Variants in PTDSS2 observed in about 807,000 individuals in gnomAD.
PTDSS2 encodes PSS-2.
Under a neutral mutation model 64.7 loss-of-function variants are expected in PTDSS2, and 41 were observed. The ratio of observed to expected loss-of-function variants is 0.63; its 90% CI spans 0.49 to 0.82. PTDSS2 has a LOEUF of 0.82. Ranked by LOEUF, PTDSS2 falls within the 40% of genes least tolerant of loss-of-function variation. The probability of loss-of-function intolerance (pLI) is 0.00; values close to 1 mark genes in which losing one functional copy is unlikely to be tolerated. For missense variants in PTDSS2, 485 were observed against 650.0 expected (o/e 0.75, Z 2.76); for synonymous variants, 297 against 277.8 (o/e 1.07, Z -0.69).
chr11:473,759 C>A, intron 2 of PTDSS2, 136 bp from the exon 3 acceptor site: 1 of 713,396 alleles, frequency 1.4e-6, no homozygotes, highest in Admixed American at 2.1e-5. Flanking sequence ...TCGCCCAGCT[C>A]TGCCCGAGGC....
chr11:462,739 A>G lies in PTDSS2; in HGVS notation c.284+2451A>G, dbSNP rs1590624895. On this transcript the variant is annotated intron_variant, in intron 2 of 11. Coordinates refer to ENST00000308020, the MANE Select transcript of PTDSS2 (RefSeq NM_030783.3). This position sits in a 1 kb window ranked among gnomAD's most constrained non-coding sequence, Gnocchi z 4.5. ...CTACCTGCCCCTACGCAGGGTGTCC[A>G]CACAGAGGGTGTCCGCACACAGGGT... Among the ~76,000 whole-genome samples the G allele has an allele frequency of 6.6e-6, 1 of 152,148 alleles. No individual in the cohort carries two copies.
intron 4 of PTDSS2, among the ~76,000 whole-genome samples, chr11:480,837 C>T (rs1310693985): frequency 1.3e-5 from 2 of 152,170 alleles, no homozygotes; most frequent in African/African-American, 4.8e-5. Flanking sequence ...AAACCCAGCA[C>T]TTTGGGAGGC....
At position 469,929 on chromosome 11, in the gene PTDSS2, A is replaced by G. The variant is rs563392216; in HGVS notation, c.285-3966A>G. Among the ~76,000 whole-genome samples the G allele has an allele frequency of 3.3e-5, 5 of 152,336 alleles. No individual in the cohort carries two copies. In the South Asian group the frequency reaches 1.0e-3, roughly 32 times the overall value. ...GCCTCCCAGTGGCCAAAGAGCAACA[A>G]AATAATAAAGTAGTATTAGAATATA... On this transcript the variant is annotated intron_variant, in intron 2 of 11. Transcript: ENST00000308020.
At position 489,579 on chromosome 11, in the gene PTDSS2, C is replaced by T; in HGVS notation, c.970-9C>T. On this transcript the variant is annotated splice_polypyrimidine_tract_variant and intron_variant, in intron 9 of 11. Transcript: ENST00000308020. ...GGCCAGAGCTGGTGCTCACCCTCTC[C>T]TCCCCTAGTTCCTGTTGGCAGAACT... The T allele has an allele frequency of 2.5e-6, 4 of 1,605,322 alleles. No homozygotes were observed. The highest frequency in any genetic ancestry group is 3.4e-6 in the Non-Finnish European group (4 of 1,175,856).
In PTDSS2 at chr11:460,244, G is replaced by A. The variant is rs77906969; in HGVS notation, c.240G>A (p.Thr80=). The change falls in exon 2 of 12, where the codon ACG becomes ACA. Residue 80 remains threonine, a synonymous_variant. Transcript: ENST00000308020. This position sits in a 1 kb window ranked among gnomAD's most constrained non-coding sequence, Gnocchi z 5.8. ...TCACCTGTACGCTTGGCTATGTGAC[G>A]CTGCTGGAGGAAACACCTCAGGACA... is the stretch of plus-strand genomic sequence containing the variant. ...FILTCTLGYV[T]LLEETPQDTA... is the part of the protein sequence containing the mutation. 4.9e-5 allele frequency: 79 copies of A among 1,614,150 alleles called. No individual in the cohort carries two copies. The African/African-American group carries it at 7.9e-4, about 16-fold the overall frequency.
intron 4 of PTDSS2, 75 bp from the exon 5 acceptor site, chr11:486,864 T>A: frequency 6.6e-7 from 1 of 1,510,322 alleles, no homozygotes; most frequent in Non-Finnish European, 8.8e-7. Context: ...ATAAAATAAA[T>A]AAACAACCAT....
At position 489,523 on chromosome 11, in the gene PTDSS2, G is replaced by T; in HGVS notation, c.969+9G>T. 4 of 1,611,842 alleles carry T rather than the reference G, an allele frequency of 2.5e-6. No individual in the cohort carries two copies. The highest frequency in any genetic ancestry group is 1.7e-5 in the Admixed American group (1 of 59,928). ...GCGGCATCATCCTGGTGGTAAGGCCGGGCTGCCTCGCGACGGCGCGGCGGG... is the reference window on the plus strand; with the variant it reads ...GCGGCATCATCCTGGTGGTAAGGCCTGGCTGCCTCGCGACGGCGCGGCGGG... On this transcript the variant is annotated intron_variant, in intron 9 of 11. Coordinates refer to ENST00000308020, the MANE Select transcript of PTDSS2 (RefSeq NM_030783.3).
intron 1 of PTDSS2, among the ~76,000 whole-genome samples, chr11:451,106 C>A (rs1307782745): frequency 1.3e-5 from 2 of 152,236 alleles, no homozygotes; most frequent in African/African-American, 4.8e-5. Context: ...TGTGTCGCGC[C>A]CGACCCCACG....
chr11:486,767 G>A, intron 4 of PTDSS2, 172 bp from the exon 5 acceptor site: 1 of 404,750 alleles, frequency 2.5e-6, no homozygotes. Context: ...AGAATGGCGT[G>A]AACCCAGGAG....
In PTDSS2 at chr11:491,374, G is replaced by C. The variant is rs532190215; in HGVS notation, c.*792G>C. Reference sequence around the variant, plus strand: ...GAGAACCAATAAAGTGACAACGAACGTCTGAGGCTTCCAGCCCTCCCCCCA... The same window carrying C: ...GAGAACCAATAAAGTGACAACGAACCTCTGAGGCTTCCAGCCCTCCCCCCA... On this transcript the variant is annotated 3_prime_UTR_variant, in exon 12 of 12. Coordinates refer to ENST00000308020, the MANE Select transcript of PTDSS2 (RefSeq NM_030783.3). 1 of 152,412 alleles carries C rather than the reference G, an allele frequency of 6.6e-6. No individual in the cohort carries two copies. Among genetic ancestry groups the C allele is most frequent in the African/African-American group, 2.4e-5 (1 of 41,446 alleles). 9.4% of individuals were successfully genotyped at this position (152,412 alleles called of 1,614,324 possible).
intron 4 of PTDSS2, among the ~76,000 whole-genome samples, chr11:484,880 CTG>C (rs1217850246): frequency 2.8e-5 from 3 of 108,678 alleles, no homozygotes; most frequent in Non-Finnish European, 5.5e-5. Context: ...GCGCAGGCGT[CTG>C]TAAACAGTGC....
rs919976082 is a variant in PTDSS2, at chr11:460,944, G to A, written c.284+656G>A. The A allele has an allele frequency of 1.3e-5, 2 of 152,360 alleles. No individual in the cohort carries two copies. Among genetic ancestry groups the A allele is most frequent in the African/African-American group, 4.8e-5 (2 of 41,446 alleles). 9.4% of individuals were successfully genotyped at this position (152,360 alleles called of 1,614,324 possible). On this transcript the variant is annotated intron_variant, in intron 2 of 11. Transcript: ENST00000308020. The surrounding 1 kb of genome is among the most constrained non-coding windows in gnomAD (Gnocchi z 5.8). ...TGCTCTTCCGACGCGCGCACAGGGTGTGTCTGCCCAGGGCTGCCTCCTGCC... is the reference window on the plus strand; with the variant it reads ...TGCTCTTCCGACGCGCGCACAGGGTATGTCTGCCCAGGGCTGCCTCCTGCC...
chr11:469,509 G>A (rs913915597), intron 2 of PTDSS2, among the ~76,000 whole-genome samples: 1 of 151,596 alleles, frequency 6.6e-6, no homozygotes, highest in Admixed American at 6.6e-5. Flanking sequence ...GAGTCTCTGG[G>A]TAATCGGAGG....
chr11:473,219 A>G (rs1847562608), intron 2 of PTDSS2, among the ~76,000 whole-genome samples: 1 of 152,236 alleles, frequency 6.6e-6, no homozygotes, highest in Non-Finnish European at 1.5e-5. Flanking sequence ...GGTCCCTCGC[A>G]TCCTCCTTCC....
At chr11:478,069 C>T (rs143448140) in intron 3 of PTDSS2, among the ~76,000 whole-genome samples, 9 of 152,234 alleles carry the variant, frequency 5.9e-5, no homozygotes, top group Non-Finnish European at 1.0e-4. Context: ...GTGAGCTGCT[C>T]GGAGCCGTGG....
chr11:485,996 AAGC>A (rs1199088778), intron 4 of PTDSS2, among the ~76,000 whole-genome samples: 4 of 140,650 alleles, frequency 2.8e-5, no homozygotes, highest in East Asian at 4.5e-4. Flanking sequence ...AGGCGAGCGT[AAGC>A]AGTGCACGGG....
chr11:487,544 C>G, intron 6 of PTDSS2, 74 bp downstream of exon 6: 1 of 1,405,494 alleles, frequency 7.1e-7, no homozygotes. Context: ...CGTTTCTGTC[C>G]ATGGAGTTGA....
intron 4 of PTDSS2, among the ~76,000 whole-genome samples, chr11:485,291 CGT>C (rs1246530332): frequency 1.8e-4 from 22 of 122,968 alleles, no homozygotes; most frequent in South Asian, 2.7e-4. Flanking sequence ...TGCACGGGCG[CGT>C]GTGTGCTCAC....
Position 488,544 on chromosome 11 carries a change from C to T in PTDSS2, c.751C>T (p.Leu251Phe). 6.2e-7 allele frequency: 1 copy of T among 1,613,376 alleles called. No individual in the cohort carries two copies. The highest frequency in any genetic ancestry group is 8.5e-7 in the Non-Finnish European group (1 of 1,179,854). Reference protein sequence around the residue: ...CWWDHWIMDVLVCNGLGIYCG... With the variant: ...CWWDHWIMDVFVCNGLGIYCG... ...CTCCCTGCAGTGGATCATGGACGTG[C>T]TCGTCTGCAACGGGCTGGGCATCTA... is the stretch of plus-strand genomic sequence containing the variant. Residue 251 changes from leucine (L) to phenylalanine (F), a missense_variant, in exon 8 of 12, where the codon CTC (leucine) becomes TTC (phenylalanine). Physicochemically the swap from Leu to Phe is conservative, Grantham distance 22 (BLOSUM62 0). Transcript: ENST00000308020.
Sources: gnomAD v4.1 joint callset for allele counts (sites outside exome capture counted in the v4.1 genomes callset) on GRCh38, gnomAD v4.1.1 for gene constraint, Gnocchi (gnomAD v3.1) non-coding constraint, MANE v1.5 for transcripts, NCBI Gene and HGNC (gene_info 2026-07-23, HGNC 2026-07-21) for gene names.